Variants in HS3ST2 observed in about 807,000 individuals in gnomAD.
HS3ST2 encodes heparan sulfate glucosamine 3-O-sulfotransferase 2.
A neutral mutation model predicts 26.3 loss-of-function variants in HS3ST2; 17 were observed. The observed-to-expected ratio is 0.65, with a 90% CI of 0.44 to 0.97. The LOEUF is 0.97. Ranked by LOEUF, HS3ST2 falls within the 50% of genes least tolerant of loss-of-function variation. The pLI, the probability that HS3ST2 is intolerant of heterozygous loss-of-function variation, is 0.00. For missense variants in HS3ST2, 402 were observed against 501.2 expected (o/e 0.80, Z 1.89); for synonymous variants, 237 against 219.2 (o/e 1.08, Z -0.72).
At chr16:22,854,612 T>A (rs573080546) in intron 1 of HS3ST2, 3 of 151,876 alleles carry the variant, frequency 2.0e-5, no homozygotes, top group South Asian at 4.2e-4. Context: ...TTCTGCATTG[T>A]TAATTTATCT....
At chr16:22,884,764 C>T (rs1406031237) in intron 1 of HS3ST2, among the ~76,000 whole-genome samples, 1 of 149,152 alleles carries the variant, frequency 6.7e-6, no homozygotes, top group Non-Finnish European at 1.5e-5. Flanking sequence ...TCTATCTTGA[C>T]CATCACTCCT....
chr16:22,845,729 A>C (rs912632056), intron 1 of HS3ST2, among the ~76,000 whole-genome samples: 1 of 152,204 alleles, frequency 6.6e-6, no homozygotes, highest in Non-Finnish European at 1.5e-5. Flanking sequence ...CAGTCCTCAT[A>C]ATGTCTCTTT....
chr16:22,842,434 C>A (rs896354650), intron 1 of HS3ST2, among the ~76,000 whole-genome samples: 3 of 152,056 alleles, frequency 2.0e-5, no homozygotes, highest in Non-Finnish European at 2.9e-5. Flanking sequence ...TTCAAGAATA[C>A]AATGTATTGT....
intron 1 of HS3ST2, among the ~76,000 whole-genome samples, chr16:22,897,510 T>G (rs1902226218): frequency 6.6e-6 from 1 of 152,276 alleles, no homozygotes. Flanking sequence ...GGACTTAGAC[T>G]ATTATTTTCT....
chr16:22,818,886 ATTCC>A (rs1555511260), intron 1 of HS3ST2, among the ~76,000 whole-genome samples: 1 of 652 alleles, frequency 1.5e-3, no homozygotes, highest in African/African-American at 0.015. Context: ...TCCTTCCTTC[ATTCC>A]TTCCTTCCTT....
At chr16:22,914,736 C>CAAAAAAAAAAAAAAA (rs1159639879) in intron 1 of HS3ST2, among the ~76,000 whole-genome samples, 1 of 35,948 alleles carries the variant, frequency 2.8e-5, no homozygotes, top group South Asian at 1.8e-3. Flanking sequence ...GACCTTGTCT[C>CAAAAAAAAAAAAAAA]AAAAAAAAAA....
At chr16:22,829,486 T>TG (rs1870799099) in intron 1 of HS3ST2, among the ~76,000 whole-genome samples, 1 of 151,888 alleles carries the variant, frequency 6.6e-6, no homozygotes, top group Non-Finnish European at 1.5e-5. Flanking sequence ...TAGCTTTTTT[T>TG]TAAAAAGAAA....
At chr16:22,856,308 G>A (rs954203858) in intron 1 of HS3ST2, among the ~76,000 whole-genome samples, 2 of 152,142 alleles carry the variant, frequency 1.3e-5, no homozygotes, top group African/African-American at 4.8e-5. Context: ...GACACATTTT[G>A]CTAATCATGT....
intron 1 of HS3ST2, among the ~76,000 whole-genome samples, chr16:22,899,865 C>T (rs1902261078): frequency 6.6e-6 from 1 of 152,228 alleles, no homozygotes; most frequent in Non-Finnish European, 1.5e-5. Flanking sequence ...CCTCCCATGA[C>T]ACATAGGAAT....
At chr16:22,862,203 C>T (rs2141189679) in intron 1 of HS3ST2, among the ~76,000 whole-genome samples, 1 of 151,510 alleles carries the variant, frequency 6.6e-6, no homozygotes, top group South Asian at 2.1e-4. Context: ...TTAGGCCTTC[C>T]TGTTTTAGGA....
chr16:22,908,929 A>G (rs1205624029), intron 1 of HS3ST2, among the ~76,000 whole-genome samples: 1 of 152,190 alleles, frequency 6.6e-6, no homozygotes, highest in Non-Finnish European at 1.5e-5. Flanking sequence ...ACTCTAACTA[A>G]TTTAAAATAG....
intron 1 of HS3ST2, among the ~76,000 whole-genome samples, chr16:22,839,013 C>T (rs1323559261): frequency 6.6e-6 from 1 of 152,220 alleles, no homozygotes; most frequent in Non-Finnish European, 1.5e-5. Flanking sequence ...CTGTGAATGG[C>T]ACTGGGCTGT....
intron 1 of HS3ST2, among the ~76,000 whole-genome samples, chr16:22,821,040 C>T (rs1010187066): frequency 3.9e-5 from 6 of 152,096 alleles, no homozygotes; most frequent in Admixed American, 1.3e-4. Context: ...GTGACTAGAC[C>T]CTGCTTCATC....
intron 1 of HS3ST2, among the ~76,000 whole-genome samples, chr16:22,831,224 A>G (rs374669626): frequency 6.6e-6 from 1 of 152,206 alleles, no homozygotes; most frequent in Non-Finnish European, 1.5e-5. Flanking sequence ...TTTGCCACCT[A>G]AATTTGTTTT....
chr16:22,900,319 C>T (rs1022600805), intron 1 of HS3ST2, among the ~76,000 whole-genome samples: 3 of 152,222 alleles, frequency 2.0e-5, no homozygotes, highest in Non-Finnish European at 4.4e-5. Context: ...GGTACCATCA[C>T]TGTCCCCATG....
chr16:22,887,037 C>T (rs751906241), intron 1 of HS3ST2, among the ~76,000 whole-genome samples: 2 of 152,196 alleles, frequency 1.3e-5, no homozygotes, highest in African/African-American at 2.4e-5. Context: ...CAGACACAAG[C>T]CACCATGCCT....
intron 1 of HS3ST2, among the ~76,000 whole-genome samples, chr16:22,904,227 C>A (rs578044213): frequency 1.3e-5 from 2 of 152,176 alleles, no homozygotes; most frequent in Non-Finnish European, 2.9e-5. Context: ...CACCTCCTGT[C>A]CCAGTTGGTC....
At chr16:22,821,816 A>G (rs1900999369) in intron 1 of HS3ST2, among the ~76,000 whole-genome samples, 1 of 152,062 alleles carries the variant, frequency 6.6e-6, no homozygotes, top group African/African-American at 2.4e-5. Context: ...AGGGGAAATG[A>G]CCTTGTGCTT....
At chr16:22,821,487 G>T (rs2141174665) in intron 1 of HS3ST2, among the ~76,000 whole-genome samples, 1 of 152,056 alleles carries the variant, frequency 6.6e-6, no homozygotes, top group Middle Eastern at 3.4e-3. Context: ...AGATCCCCTG[G>T]AGGACTTGAG....
Sources: allele counts gnomAD v4.1 joint callset (sites outside exome capture counted in the v4.1 genomes callset), GRCh38; gene constraint gnomAD v4.1.1; transcripts MANE v1.5; gene names NCBI Gene and HGNC (gene_info 2026-07-23, HGNC 2026-07-21).